Variants in ADARB2 observed in about 807,000 individuals in gnomAD.
ADARB2 encodes adenosine deaminase RNA specific B2 (inactive).
Under a neutral mutation model 62.2 loss-of-function variants are expected in ADARB2, and 25 were observed. That is an observed-to-expected ratio of 0.40 (90% confidence interval 0.29 to 0.56). The LOEUF is 0.56. ADARB2 is among the 20% of genes least tolerant of loss of function. The pLI, the probability that ADARB2 is intolerant of heterozygous loss-of-function variation, is 0.43. For missense variants in ADARB2, 1,071 were observed against 1,077.4 expected (o/e 0.99, Z 0.08); for synonymous variants, 572 against 500.8 (o/e 1.14, Z -1.90).
rs534485571 is a variant in ADARB2 at position 1,281,034 on chromosome 10, A to G, written c.1078-9965T>C. Among the ~76,000 whole-genome samples, 4 of 152,374 alleles carry G rather than the reference A, an allele frequency of 2.6e-5. No homozygotes were observed. In the East Asian group the frequency reaches 7.7e-4, roughly 29 times the overall value. ...GAGTCATAGAAGAGAGAAATCCATG[A>G]GAAAAAGACAAAGAAAACGTGGCAA... On this transcript the variant is annotated intron_variant, in intron 3 of 9. Transcript: ENST00000381312.
chr10:1,466,081 C>T (rs932061954), intron 1 of ADARB2, among the ~76,000 whole-genome samples: 5 of 152,238 alleles, frequency 3.3e-5, no homozygotes, highest in Non-Finnish European at 7.3e-5. Context: ...CTAAACACGA[C>T]CCAGGCAAGA....
chr10:1,368,879 T>TGGGGCTGGGCTGGGTGAGGGTG (rs1832338341), intron 2 of ADARB2, among the ~76,000 whole-genome samples: 4 of 82,130 alleles, frequency 4.9e-5, no homozygotes, highest in African/African-American at 1.5e-4. Context: ...GTGGCAGTCG[T>TGGGGCTGGGCTGGGTGAGGGTG]GGGGCCGGGC....
chr10:1,512,336 G>A (rs944449983), intron 1 of ADARB2, among the ~76,000 whole-genome samples: 4 of 152,016 alleles, frequency 2.6e-5, no homozygotes, highest in Admixed American at 2.0e-4. Flanking sequence ...CTGCTATGCT[G>A]GATACCAAGA....
intron 1 of ADARB2, among the ~76,000 whole-genome samples, chr10:1,571,985 G>A (rs551452913): frequency 1.0e-4 from 15 of 150,436 alleles, no homozygotes; most frequent in Admixed American, 8.6e-4. Context: ...GTGTGCTGGT[G>A]AGTGTGCAGG....
At chr10:1,349,374 G>C (rs541001754) in intron 3 of ADARB2, among the ~76,000 whole-genome samples, 6 of 151,990 alleles carry the variant, frequency 3.9e-5, no homozygotes, top group African/African-American at 1.2e-4. Context: ...CAGCCATGTT[G>C]CTCCCACAAA....
intron 1 of ADARB2, among the ~76,000 whole-genome samples, chr10:1,558,419 G>A (rs1832738075): frequency 7.9e-6 from 1 of 126,978 alleles, no homozygotes; most frequent in South Asian, 2.5e-4. Context: ...CTCCGTGGGT[G>A]CTCAGCACCC....
intron 6 of ADARB2, among the ~76,000 whole-genome samples, chr10:1,223,650 C>G (rs1157086595): frequency 1.3e-5 from 2 of 152,142 alleles, no homozygotes; most frequent in African/African-American, 4.8e-5. Context: ...TGAATTTTGT[C>G]AAAGGCCTTT....
In ADARB2 at chr10:1,258,340, T is replaced by G. The variant is rs370050795; in HGVS notation, c.1192+12615A>C. On this transcript the variant is annotated intron_variant, in intron 4 of 9. Coordinates refer to ENST00000381312, the MANE Select transcript of ADARB2 (RefSeq NM_018702.4). Reference sequence around the variant, plus strand: ...CCTTAAATGTAAATGGGCTAAATGCTCCAATTAAAAGGCACAGACTGGCAA... The same window carrying G: ...CCTTAAATGTAAATGGGCTAAATGCGCCAATTAAAAGGCACAGACTGGCAA... Among the ~76,000 whole-genome samples, 4 of 152,134 alleles carry G rather than the reference T, an allele frequency of 2.6e-5. No individual in the cohort carries two copies. The East Asian group carries it at 5.8e-4, about 22-fold the overall frequency.
At chr10:1,187,322 G>A (rs1242065541) in intron 8 of ADARB2, among the ~76,000 whole-genome samples, 4 of 152,190 alleles carry the variant, frequency 2.6e-5, no homozygotes, top group South Asian at 4.1e-4. Context: ...CCTGATCTGC[G>A]TGCACTGGGC....
chr10:1,248,339 G>A (rs12256286), intron 4 of ADARB2, among the ~76,000 whole-genome samples: 1 of 150,500 alleles, frequency 6.6e-6, no homozygotes, highest in Non-Finnish European at 1.5e-5. Flanking sequence ...GGCGTGCAAC[G>A]TGTCAGTCAT....
chr10:1,245,004 A>C (rs1458428565), intron 4 of ADARB2, among the ~76,000 whole-genome samples: 3 of 152,184 alleles, frequency 2.0e-5, no homozygotes, highest in Admixed American at 6.5e-5. Context: ...GCTCTTCACC[A>C]ATAGACAATG....
chr10:1,259,559 T>A (rs1451202517), intron 4 of ADARB2, among the ~76,000 whole-genome samples: 1 of 152,160 alleles, frequency 6.6e-6, no homozygotes, highest in Non-Finnish European at 1.5e-5. Context: ...AAGAAATGGA[T>A]AAATTCCTCG....
chr10:1,702,644 G>C (rs1406544996), intron 1 of ADARB2, among the ~76,000 whole-genome samples: 1 of 152,128 alleles, frequency 6.6e-6, no homozygotes, highest in Non-Finnish European at 1.5e-5. Context: ...ACCCTGCTTT[G>C]CTTGAGCACT....
chr10:1,687,611 A>G lies in ADARB2; in HGVS notation c.100+49440T>C, dbSNP rs998136223. 2.6e-5 allele frequency among the ~76,000 whole-genome samples: 4 copies of G among 152,170 alleles called. No homozygotes were observed. The East Asian group carries it at 7.7e-4, about 29-fold the overall frequency. On this transcript the variant is annotated intron_variant, in intron 1 of 9. Transcript: ENST00000381312. ...CATTAGATTCAAAAATAAATTTTTA[A>G]TAGTGCAAACGCATTAAATTATTTA... is the stretch of plus-strand genomic sequence containing the variant.
At chr10:1,634,222 A>G (rs7920777) in intron 1 of ADARB2, among the ~76,000 whole-genome samples, 23,068 of 152,148 alleles carry the variant, frequency 0.15, 2,826 homozygotes, top group African/African-American at 0.34. Context: ...AGTGGACTCA[A>G]TGGCCCAAGA....
intron 4 of ADARB2, among the ~76,000 whole-genome samples, chr10:1,251,553 G>A (rs1032401654): frequency 2.0e-5 from 3 of 152,018 alleles, no homozygotes; most frequent in African/African-American, 4.8e-5. Context: ...CACCGGGAGC[G>A]AACCCTAACA....
chr10:1,313,250 C>T (rs902263062), intron 3 of ADARB2, among the ~76,000 whole-genome samples: 2 of 152,158 alleles, frequency 1.3e-5, no homozygotes, highest in Non-Finnish European at 2.9e-5. Flanking sequence ...CTGAGTGCCT[C>T]TGAAGTGACT....
intron 6 of ADARB2, among the ~76,000 whole-genome samples, chr10:1,218,896 A>C (rs1830656235): frequency 6.6e-6 from 1 of 151,840 alleles, no homozygotes; most frequent in Admixed American, 6.6e-5. Flanking sequence ...TACAAAAAAA[A>C]AAAATTAGCC....
At chr10:1,492,898 AGGTCGCTGCTGACACG>A (rs1409620348) in intron 1 of ADARB2, among the ~76,000 whole-genome samples, 1 of 152,100 alleles carries the variant, frequency 6.6e-6, no homozygotes, top group African/African-American at 2.4e-5. Context: ...CTTTAAACAC[AGGTCGCTGCTGACACG>A]GAGCTCAGGC....
Sources: gnomAD v4.1 joint callset for allele counts (sites outside exome capture counted in the v4.1 genomes callset) on GRCh38, gnomAD v4.1.1 for gene constraint, MANE v1.5 for transcripts, NCBI Gene and HGNC (gene_info 2026-07-23, HGNC 2026-07-21) for gene names.